Variants in FRMD4A observed in about 807,000 individuals in gnomAD.
FRMD4A encodes the protein FERM domain containing 4A.
Under a neutral mutation model 129.1 loss-of-function variants are expected in FRMD4A, and 29 were observed. The ratio of observed to expected loss-of-function variants is 0.22; its 90% confidence interval spans 0.17 to 0.31. The LOEUF is 0.31. FRMD4A is among the 10% of genes least tolerant of loss of function. The probability of loss-of-function intolerance (pLI) is 1.00; values close to 1 mark genes in which losing one functional copy is unlikely to be tolerated. For missense variants in FRMD4A, 1,272 were observed against 1,375.8 expected, an observed-to-expected ratio of 0.92 and a Z score of 1.19; for synonymous variants, 634 against 571.6, an observed-to-expected ratio of 1.11 and a Z score of -1.56.
intron 2 of FRMD4A, among the ~76,000 whole-genome samples, chr10:14,214,763 A>G (rs1293096454): frequency 6.6e-6 from 1 of 152,200 alleles, no homozygotes; most frequent in Non-Finnish European, 1.5e-5. Flanking sequence ...TCATGGGTAG[A>G]ACAAAAATTG....
intron 2 of FRMD4A, among the ~76,000 whole-genome samples, chr10:14,151,666 T>G (rs1436873597): frequency 2.0e-5 from 3 of 152,130 alleles, no homozygotes. Context: ...TATATATATA[T>G]GAAAAAACAG....
At chr10:13,750,109 G>GAAGAAAGAAAGAAAAAGAAAGA (rs2091525244) in intron 8 of FRMD4A, among the ~76,000 whole-genome samples, 1 of 73,578 alleles carries the variant, frequency 1.4e-5, no homozygotes, top group East Asian at 4.2e-4. Flanking sequence ...AGAAAGAAAT[G>GAAGAAAGAAAGAAAAAGAAAGA]AAGAAAGAAA....
intron 17 of FRMD4A, among the ~76,000 whole-genome samples, chr10:13,669,711 C>T (rs1011288805): frequency 1.3e-5 from 2 of 152,216 alleles, no homozygotes; most frequent in African/African-American, 2.4e-5. Flanking sequence ...TATACCTGGC[C>T]TTTACTTTCT....
At chr10:14,222,865 A>C (rs1362386430) in intron 2 of FRMD4A, among the ~76,000 whole-genome samples, 1 of 152,160 alleles carries the variant, frequency 6.6e-6, no homozygotes, top group Non-Finnish European at 1.5e-5. Context: ...AGGCAGGCAG[A>C]TCACCTGAGC....
At chr10:13,867,234 T>C (rs1198002234) in intron 2 of FRMD4A, among the ~76,000 whole-genome samples, 1 of 152,138 alleles carries the variant, frequency 6.6e-6, no homozygotes, top group Non-Finnish European at 1.5e-5. Flanking sequence ...ACTTCAAATA[T>C]ACACAATCAT....
intron 2 of FRMD4A, chr10:14,326,738 G>A (rs1843292016): frequency 5.0e-6 from 2 of 397,512 alleles, no homozygotes; most frequent in Non-Finnish European, 8.9e-6. Flanking sequence ...AGCCCTTGCA[G>A]CTTTCCCTGA....
chr10:14,304,637 A>G (rs143528761), intron 2 of FRMD4A, among the ~76,000 whole-genome samples: 4 of 152,226 alleles, frequency 2.6e-5, no homozygotes, highest in African/African-American at 9.6e-5. Context: ...TTCTCTGTTC[A>G]TTGACTCTGT....
At chr10:14,247,305 T>C (rs1844277682) in intron 2 of FRMD4A, among the ~76,000 whole-genome samples, 1 of 152,188 alleles carries the variant, frequency 6.6e-6, no homozygotes, top group Non-Finnish European at 1.5e-5. Context: ...TGGTCCTCAC[T>C]GTTAAAGCAC....
At chr10:13,648,848 C>A (rs2081323193) in intron 24 of FRMD4A, 1 of 152,084 alleles carries the variant, frequency 6.6e-6, no homozygotes, top group African/African-American at 2.4e-5. Flanking sequence ...ATAAAACTTC[C>A]CTAAGGGGTT....
intron 2 of FRMD4A, among the ~76,000 whole-genome samples, chr10:13,906,914 C>G (rs1228547248): frequency 6.6e-6 from 1 of 152,110 alleles, no homozygotes; most frequent in Non-Finnish European, 1.5e-5. Context: ...TGGGAATGCC[C>G]GTCAGTCACA....
chr10:14,119,404 G>A (rs114400716), intron 2 of FRMD4A, among the ~76,000 whole-genome samples: 1,646 of 152,268 alleles, frequency 0.011, 40 homozygotes, highest in African/African-American at 0.038. Context: ...ACGAGGAGAA[G>A]GGACAGAGTG....
chr10:13,839,203 G>T (rs577526203), intron 3 of FRMD4A, among the ~76,000 whole-genome samples: 1 of 151,812 alleles, frequency 6.6e-6, no homozygotes, highest in African/African-American at 2.4e-5. Flanking sequence ...ATGGGGTCTT[G>T]CTGTCCTGCC....
chr10:14,010,122 G>GT (rs75139012), intron 2 of FRMD4A, among the ~76,000 whole-genome samples: 28,858 of 151,956 alleles, frequency 0.19, 3,329 homozygotes, highest in East Asian at 0.45. Context: ...GGGGTCGGTG[G>GT]GGGGGACAAT....
chr10:13,871,347 G>C (rs934817004), intron 2 of FRMD4A, among the ~76,000 whole-genome samples: 2 of 152,172 alleles, frequency 1.3e-5, no homozygotes, highest in African/African-American at 2.4e-5. Flanking sequence ...TCTGGACACC[G>C]GACCAGCGGC....
intron 3 of FRMD4A, among the ~76,000 whole-genome samples, chr10:13,827,900 T>TGGCTGCTGC (rs2093727831): frequency 6.6e-6 from 1 of 152,000 alleles, no homozygotes; most frequent in African/African-American, 2.4e-5. Flanking sequence ...TCAACTGCTG[T>TGGCTGCTGC]CTGGCTGCTC....
chr10:14,326,269 C>A (rs1843271658), intron 2 of FRMD4A: 1 of 152,146 alleles, frequency 6.6e-6, no homozygotes. Flanking sequence ...ACAGAAAATG[C>A]TGACTGGTTC....
chr10:13,961,828 T>C (rs1012144940), intron 2 of FRMD4A, among the ~76,000 whole-genome samples: 1 of 152,224 alleles, frequency 6.6e-6, no homozygotes, highest in Non-Finnish European at 1.5e-5. Context: ...GAATATGGAA[T>C]CATATTTTTT....
chr10:13,725,649 G>A (rs528104069), intron 12 of FRMD4A, among the ~76,000 whole-genome samples: 5 of 152,112 alleles, frequency 3.3e-5, no homozygotes, highest in Non-Finnish European at 7.4e-5. Flanking sequence ...TGGGAGCTTG[G>A]CTTACCCAGA....
chr10:14,099,452 C>T (rs1353673066), intron 2 of FRMD4A, among the ~76,000 whole-genome samples: 3 of 152,214 alleles, frequency 2.0e-5, no homozygotes, highest in African/African-American at 4.8e-5. Context: ...AGCCATCCCT[C>T]GGGGTATGGA....
Sources: gnomAD v4.1 joint callset for allele counts (sites outside exome capture counted in the v4.1 genomes callset) on GRCh38, gnomAD v4.1.1 for gene constraint, MANE v1.5 for transcripts, NCBI Gene and HGNC (gene_info 2026-07-23, HGNC 2026-07-21) for gene names.